Variants in P2RY8 observed in about 807,000 individuals in gnomAD.
P2RY8 encodes the protein P2Y receptor family member 8.
A neutral mutation model predicts 10.0 loss-of-function variants in P2RY8; 6 were observed. That is an observed-to-expected ratio of 0.60 (90% CI 0.33 to 1.19). The LOEUF is 1.19. Ranked by LOEUF, P2RY8 falls within the 50% of genes most tolerant of loss-of-function variation. The pLI is 0.04. For missense variants in P2RY8, 456 were observed against 542.0 expected, an observed-to-expected ratio of 0.84 and a Z score of 1.58; for synonymous variants, 276 against 252.5, an observed-to-expected ratio of 1.09 and a Z score of -0.88.
At chrX:1,492,658 C>T (rs73628521) in intron 1 of P2RY8, among the ~76,000 whole-genome samples, 5,879 of 152,208 alleles carry the variant, frequency 0.039, 385 homozygotes, top group African/African-American at 0.13. Flanking sequence ...TTGACTTCAG[C>T]TAGCTCGACT....
At chrX:1,516,457 G>T (rs757066969) in intron 1 of P2RY8, among the ~76,000 whole-genome samples, 3 of 149,782 alleles carry the variant, frequency 2.0e-5, no homozygotes, top group South Asian at 4.2e-4. Context: ...AATGTCTGTC[G>T]TTTCTAAGCC....
chrX:1,473,982 GACGGATGCATGGATGA>G (rs2091839021), intron 1 of P2RY8, among the ~76,000 whole-genome samples: 1 of 150,700 alleles, frequency 6.6e-6, no homozygotes, highest in Non-Finnish European at 1.5e-5. Context: ...TGGGTGGATG[GACGGATGCATGGATGA>G]GTGGATGGAT....
chrX:1,512,303 C>A (rs770195568), intron 1 of P2RY8, among the ~76,000 whole-genome samples: 1 of 152,140 alleles, frequency 6.6e-6, no homozygotes, highest in South Asian at 2.1e-4. Flanking sequence ...TCCCAGCGCA[C>A]TGGGAGGCCG....
intron 1 of P2RY8, among the ~76,000 whole-genome samples, chrX:1,488,118 A>G (rs2092004142): frequency 7.0e-6 from 1 of 141,940 alleles, no homozygotes; most frequent in South Asian, 2.3e-4. Context: ...CTAAAAAAAA[A>G]AAAGAAGAAG....
At chrX:1,515,478 T>TC (rs2092339552) in intron 1 of P2RY8, among the ~76,000 whole-genome samples, 1 of 151,848 alleles carries the variant, frequency 6.6e-6, no homozygotes, top group African/African-American at 2.4e-5. Flanking sequence ...TTCAAGCGAT[T>TC]CCCCTGCCTC....
At chrX:1,509,939 C>T (rs1408513620) in intron 1 of P2RY8, among the ~76,000 whole-genome samples, 1 of 148,708 alleles carries the variant, frequency 6.7e-6, no homozygotes, top group Admixed American at 6.8e-5. Context: ...TCTATGTATC[C>T]ATCCATCTAT....
intron 1 of P2RY8, among the ~76,000 whole-genome samples, chrX:1,484,724 T>TAAAAAA (rs1171758279): frequency 0.014 from 241 of 16,744 alleles, 21 homozygotes; most frequent in South Asian, 0.028. Flanking sequence ...CAAAACCCTG[T>TAAAAAA]AAAAAAAAAA....
intron 1 of P2RY8, among the ~76,000 whole-genome samples, chrX:1,473,372 AG>A (rs2091821085): frequency 4.5e-5 from 1 of 22,084 alleles, no homozygotes; most frequent in Non-Finnish European, 8.6e-5. Context: ...TGAATGGGTG[AG>A]TGGGTGGGTG....
chrX:1,465,656 C>G lies in P2RY8; in HGVS notation c.903G>C (p.Gln301His), dbSNP rs151217179. 2 of 1,613,544 alleles carry G rather than the reference C, an allele frequency of 1.2e-6. No homozygotes were observed. The highest frequency in any genetic ancestry group is 1.7e-6 in the Non-Finnish European group (2 of 1,179,830). Residue 301 changes from glutamine to histidine, a missense_variant, in exon 2 of 2, where the codon CAG becomes CAC. Transcript: ENST00000381297. ...FVYYFASREF[Q>H]LRLREYLGCR... ...AGCCCAAATATTCCCGCAGGCGCAG[C>G]TGGAATTCCCGGGACGCAAAGTAAT...
intron 1 of P2RY8, among the ~76,000 whole-genome samples, chrX:1,534,130 TTA>T (rs1252034675): frequency 4.3e-4 from 57 of 131,216 alleles, no homozygotes; most frequent in African/African-American, 1.2e-3. Flanking sequence ...TATTATATAT[TTA>T]TATATATTTA....
At chrX:1,509,779 A>ATCTATCTATCTATCTATCTG (rs2092282382) in intron 1 of P2RY8, among the ~76,000 whole-genome samples, 1 of 98,270 alleles carries the variant, frequency 1.0e-5, no homozygotes. Flanking sequence ...CTATCTATCT[A>ATCTATCTATCTATCTATCTG]TCATCTATGT....
At chrX:1,500,795 G>A (rs752140987) in intron 1 of P2RY8, among the ~76,000 whole-genome samples, 8 of 152,138 alleles carry the variant, frequency 5.3e-5, no homozygotes, top group African/African-American at 1.9e-4. Flanking sequence ...CTGAGCCGCC[G>A]CCACCCCCAG....
chrX:1,485,287 A>G (rs4306070), intron 1 of P2RY8, among the ~76,000 whole-genome samples: 151,270 of 152,108 alleles, frequency 0.99, 75,222 homozygotes, highest in East Asian at 1. Context: ...ACAGGTGTGC[A>G]CCACCACGCC....
intron 1 of P2RY8, among the ~76,000 whole-genome samples, chrX:1,536,262 T>G (rs1475768512): frequency 6.6e-6 from 1 of 151,550 alleles, no homozygotes; most frequent in Non-Finnish European, 1.5e-5. Flanking sequence ...AATGAGTTTT[T>G]TTTTGTTTTT....
Position 1,465,986 on chromosome X carries a change from G to A in P2RY8, c.573C>T (p.Ala191=). The A allele has an allele frequency of 6.2e-7, 1 of 1,612,280 alleles. No homozygotes were observed. Among genetic ancestry groups the A allele is most frequent in the Non-Finnish European group, 8.5e-7 (1 of 1,179,786 alleles). ...GGATGAAGATGGTGAAGAGGAACAC[G>A]GCCCACATGGCCACGCTGGGGAGCA... ...WTMLPSVAMW[A]VFLFTIFILL... is the part of the protein sequence containing the mutation. The change falls in exon 2 of 2, where the codon GCC becomes GCT. Residue 191 remains alanine, a synonymous_variant. Transcript: ENST00000381297.
chrX:1,528,443 G>C (rs1375284928), intron 1 of P2RY8, among the ~76,000 whole-genome samples: 1 of 152,244 alleles, frequency 6.6e-6, no homozygotes, highest in East Asian at 1.9e-4. Context: ...AGCAGCAGGC[G>C]CTGCCAGTCA....
intron 1 of P2RY8, among the ~76,000 whole-genome samples, chrX:1,510,841 T>G (rs1235284212): frequency 6.6e-6 from 1 of 151,062 alleles, no homozygotes; most frequent in African/African-American, 2.4e-5. Context: ...ATCGCGTCAC[T>G]GCACTCCAGC....
At chrX:1,495,622 A>G (rs73184960) in intron 1 of P2RY8, among the ~76,000 whole-genome samples, 34,906 of 142,158 alleles carry the variant, frequency 0.25, 5,656 homozygotes, top group Middle Eastern at 0.4. Flanking sequence ...GTATTCTGGG[A>G]TAGTCGTTCG....
intron 1 of P2RY8, among the ~76,000 whole-genome samples, chrX:1,487,708 G>A (rs1229696516): frequency 2.0e-5 from 3 of 152,184 alleles, no homozygotes; most frequent in Non-Finnish European, 2.9e-5. Flanking sequence ...GAGACCTGAA[G>A]TGTATCATCC....
Sources: gnomAD v4.1 joint callset for allele counts (sites outside exome capture counted in the v4.1 genomes callset) on GRCh38, gnomAD v4.1.1 for gene constraint, MANE v1.5 for transcripts, NCBI Gene and HGNC (gene_info 2026-07-23, HGNC 2026-07-21) for gene names.